Variants in NCAPG2 observed in about 807,000 individuals in gnomAD.
NCAPG2 encodes the protein condensin-2 complex subunit G2.
In NCAPG2, 53 loss-of-function variants were observed where a neutral mutation model predicts 141.1. That is an observed-to-expected ratio of 0.38 (90% CI 0.30 to 0.47). NCAPG2 has a LOEUF of 0.47. NCAPG2 is among the 20% of genes least tolerant of loss of function. The pLI is 0.99. For missense variants in NCAPG2, 1,087 were observed against 1,389.0 expected (o/e 0.78, Z 3.46); for synonymous variants, 499 against 490.7 (o/e 1.02, Z -0.22).
Position 158,636,960 on chromosome 7 carries a change from T to A in NCAPG2, c.3381-5243A>T, listed in dbSNP as rs149305342. On this transcript the variant is annotated intron_variant, in intron 27 of 27. Coordinates refer to ENST00000356309, the MANE Select transcript of NCAPG2 (RefSeq NM_017760.7). Reference sequence around the variant, plus strand: ...GGTTTCCTCTTCTTCTTCTTCTTTTTTTTTTGAGACGGAGCCCTGCTCTGT... The same window carrying A: ...GGTTTCCTCTTCTTCTTCTTCTTTTATTTTTGAGACGGAGCCCTGCTCTGT... 4.8e-3 allele frequency among the ~76,000 whole-genome samples: 727 copies of A among 152,070 alleles called. 8 individuals are homozygous for A. The highest frequency in any genetic ancestry group is 0.012 in the African/African-American group (495 of 41,498).
Position 158,664,546 on chromosome 7 carries a change from T to C in NCAPG2, c.1684A>G (p.Thr562Ala), listed in dbSNP as rs771423896. The C allele has an allele frequency of 5.0e-5, 81 of 1,613,964 alleles. No homozygotes were observed. Among genetic ancestry groups the C allele is most frequent in the Non-Finnish European group, 6.5e-5 (77 of 1,180,000 alleles). ...TCCCTACCTATGTTGGTGCAGGCGG[T>C]GTGTTCGTGGGCGTACTGATAGAAC... Reference protein sequence around the residue: ...RRFYQYAHEHTACTNIAKLIH... With the variant: ...RRFYQYAHEHAACTNIAKLIH... The change falls in exon 14 of 28, where the codon ACC becomes GCC. Residue 562 changes from threonine (T) to alanine (A), a missense_variant. Thr to Ala is a moderately conservative substitution (Grantham distance 58, BLOSUM62 0). Transcript: ENST00000356309.
chr7:158,694,901 T>C (rs772186848), intron 2 of NCAPG2, among the ~76,000 whole-genome samples: 11 of 152,124 alleles, frequency 7.2e-5, no homozygotes, highest in Non-Finnish European at 1.6e-4. Flanking sequence ...CCTCTCCATT[T>C]TCCTTAAGCC....
chr7:158,660,392 T>C (rs1587146513), intron 16 of NCAPG2, among the ~76,000 whole-genome samples: 1 of 149,494 alleles, frequency 6.7e-6, no homozygotes, highest in South Asian at 2.1e-4. Context: ...AGGTCATTAT[T>C]TCAGCTTTCT....
chr7:158,659,928 G>A (rs1036047813), intron 16 of NCAPG2, among the ~76,000 whole-genome samples: 3 of 151,812 alleles, frequency 2.0e-5, no homozygotes, highest in Non-Finnish European at 2.9e-5. Context: ...TGGCTAACAC[G>A]GTGAAACCAC....
chr7:158,687,082 T>C (rs567623451), intron 7 of NCAPG2, among the ~76,000 whole-genome samples: 1 of 152,186 alleles, frequency 6.6e-6, no homozygotes, highest in African/African-American at 2.4e-5. Context: ...CATGGCTTTA[T>C]TACGAGCGAG....
chr7:158,693,388 A>G lies in NCAPG2; in HGVS notation c.188T>C (p.Leu63Ser), dbSNP rs1161608427. 2 of 1,614,040 alleles carry G rather than the reference A, an allele frequency of 1.2e-6. No homozygotes were observed. The highest frequency in any genetic ancestry group is 2.7e-5 in the African/African-American group (2 of 74,932). Residue 63 changes from leucine to serine, a missense_variant, in exon 3 of 28, where the codon TTA becomes TCA. Leu to Ser is a moderately radical substitution (Grantham distance 145). Coordinates refer to ENST00000356309, the MANE Select transcript of NCAPG2 (RefSeq NM_017760.7). ...CTGCCACCCATCCACTGGGCTTTCT[A>G]ACAACACATCTGTCAATAAATTCTT... ...RLKNLLTDVL[L>S]ESPVDGWQVV...
At chr7:158,637,155 G>A (rs1830274202) in intron 27 of NCAPG2, among the ~76,000 whole-genome samples, 1 of 152,074 alleles carries the variant, frequency 6.6e-6, no homozygotes, top group Non-Finnish European at 1.5e-5. Flanking sequence ...CACCGTGTTA[G>A]CCAGGATGGT....
At chr7:158,684,142 C>T (rs1834614232) in intron 8 of NCAPG2, among the ~76,000 whole-genome samples, 2 of 152,210 alleles carry the variant, frequency 1.3e-5, no homozygotes, top group South Asian at 4.1e-4. Flanking sequence ...ATTTCCTTCA[C>T]CTGAAGTCAC....
Position 158,644,427 on chromosome 7 carries a change from A to G in NCAPG2, c.3281-39T>C, listed in dbSNP as rs1199648919. 6 of 1,520,088 alleles carry G rather than the reference A, an allele frequency of 3.9e-6. No individual in the cohort carries two copies. The African/African-American group carries it at 6.9e-5, about 17-fold the overall frequency. 94.2% of individuals were successfully genotyped at this position (1,520,088 alleles called of 1,614,324 possible). A position where few individuals can be genotyped will look rare whatever the true frequency, so the allele number is the denominator to read the frequency against. On this transcript the variant is annotated intron_variant, in intron 26 of 27. Transcript: ENST00000356309. ...ATTAAAAGACAGAAAAGACTTTAAC[A>G]TCACTACACAAAGACAAACACTCTG...
chr7:158,632,001 G>C (rs1369802472), intron 27 of NCAPG2, among the ~76,000 whole-genome samples: 2 of 152,098 alleles, frequency 1.3e-5, no homozygotes, highest in Admixed American at 6.5e-5. Flanking sequence ...TGCTATGCTG[G>C]TGAGCAAACA....
chr7:158,654,915 C>G (rs1831786445), intron 21 of NCAPG2: 2 of 1,118,610 alleles, frequency 1.8e-6, no homozygotes, highest in Admixed American at 6.2e-5. Flanking sequence ...TCGAACACCT[C>G]TTATATGTAA....
At chr7:158,696,714 C>T (rs1306696135) in intron 2 of NCAPG2, 1 of 152,218 alleles carries the variant, frequency 6.6e-6, no homozygotes, top group African/African-American at 2.4e-5. Context: ...CTTCTCCACC[C>T]TAACCCTGCC....
Position 158,660,401 on chromosome 7 carries a change from C to CTTTTTTTTTTTTTTTTTTTTTTTT in NCAPG2, c.1989+1769_1989+1792dup, listed in dbSNP as rs945928092. The stretch of plus-strand genomic sequence containing the variant: ...AGTCCCAGGTCATTATTTCAGCTTT[C>CTTTTTTTTTTTTTTTTTTTTTTTT]TTTTTTTTTTTTTTTTTTTTTTTTT... On this transcript the variant is annotated intron_variant, in intron 16 of 27. Coordinates refer to ENST00000356309, the MANE Select transcript of NCAPG2 (RefSeq NM_017760.7). Among the ~76,000 whole-genome samples the CTTTTTTTTTTTTTTTTTTTTTTTT allele has an allele frequency of 4.3e-4, 31 of 72,804 alleles. 3 individuals are homozygous for CTTTTTTTTTTTTTTTTTTTTTTTT. The highest frequency in any genetic ancestry group is 1.3e-3 in the East Asian group (2 of 1,524). The allele number at this position is 72,804 out of a possible 152,430, so 47.8% of individuals were successfully genotyped here. A position where few individuals can be genotyped will look rare whatever the true frequency, so the allele number is the denominator to read the frequency against.
chr7:158,674,516 G>A (rs1359680466), intron 12 of NCAPG2, among the ~76,000 whole-genome samples: 1 of 152,122 alleles, frequency 6.6e-6, no homozygotes, highest in Admixed American at 6.5e-5. Flanking sequence ...TCTCGAGCTC[G>A]TGAACTCAAG....
At chr7:158,684,770 C>T (rs11766289) in intron 8 of NCAPG2, among the ~76,000 whole-genome samples, 18,515 of 152,250 alleles carry the variant, frequency 0.12, 1,496 homozygotes, top group Non-Finnish European at 0.18. Context: ...CCAGGCTGGT[C>T]TCAAACTCCT....
chr7:158,648,799 C>A (rs1265452329), intron 24 of NCAPG2, among the ~76,000 whole-genome samples: 1 of 88,072 alleles, frequency 1.1e-5, no homozygotes, highest in Non-Finnish European at 2.5e-5. Flanking sequence ...AAATGGACCA[C>A]AACCACGCCA....
At chr7:158,702,024 C>A (rs968869356) in intron 1 of NCAPG2, 86 bp from the exon 2 acceptor site, 60 of 802,212 alleles carry the variant, frequency 7.5e-5, no homozygotes, top group Middle Eastern at 7.0e-4. Context: ...CCAAGAACTG[C>A]AAGAAAATTC....
At chr7:158,680,673 G>T in intron 10 of NCAPG2, 48 bp downstream of exon 10, 1 of 1,235,534 alleles carries the variant, frequency 8.1e-7, no homozygotes, top group Non-Finnish European at 1.1e-6. Context: ...AAATTCAAAA[G>T]CACAAGTAGT....
At chr7:158,703,291 T>C (rs1294756650) in intron 1 of NCAPG2, among the ~76,000 whole-genome samples, 1 of 152,204 alleles carries the variant, frequency 6.6e-6, no homozygotes, top group Non-Finnish European at 1.5e-5. Flanking sequence ...AAATTCATGA[T>C]TTTAGAAAAA....
Sources: gnomAD v4.1 joint callset for allele counts (sites outside exome capture counted in the v4.1 genomes callset) on GRCh38, gnomAD v4.1.1 for gene constraint, MANE v1.5 for transcripts, NCBI Gene and HGNC (gene_info 2026-07-23, HGNC 2026-07-21) for gene names.